AKR1C3: variants seen among roughly 807,000 people sequenced by gnomAD.
AKR1C3 encodes aldo-keto reductase family 1 member C3, also known as 3-alpha hydroxysteroid dehydrogenase, type II.
AKR1C3 carries 48 observed loss-of-function variants against 43.6 expected under a neutral mutation model. The ratio of observed to expected loss-of-function variants is 1.10; its 90% CI spans 0.87 to 1.40. The LOEUF is 1.40. Ranked by LOEUF, AKR1C3 falls within the 40% of genes most tolerant of loss-of-function variation. The probability of loss-of-function intolerance (pLI) is 0.00; values close to 1 mark genes in which losing one functional copy is unlikely to be tolerated. For missense variants in AKR1C3, 482 were observed against 391.2 expected (o/e 1.23, Z -1.96); for synonymous variants, 162 against 139.6 (o/e 1.16, Z -1.13).
rs782743032 is a variant in AKR1C3, at chr10:5,097,446, T to A, written c.265T>A (p.Phe89Ile). 106 of 1,613,612 alleles carry A rather than the reference T, an allele frequency of 6.6e-5. 1 individual carries two copies. In the South Asian group the frequency reaches 9.1e-4, roughly 14 times the overall value. The part of the protein sequence containing the change: ...IFYTSKLWST[F>I]HRPELVRPAL... ...TTAACCTCTGCAGCTTTGGTCCACTTTTCATCGACCAGAGTTGGTCCGACC... is the reference window on the plus strand; with the variant it reads ...TTAACCTCTGCAGCTTTGGTCCACTATTCATCGACCAGAGTTGGTCCGACC... Residue 89 changes from phenylalanine (F) to isoleucine (I), a missense_variant, in exon 3 of 9, where the codon TTT becomes ATT. By Grantham distance (21) the Phe-to-Ile change is conservative (BLOSUM62 0). Coordinates refer to ENST00000380554, the MANE Select transcript of AKR1C3 (RefSeq NM_003739.6).
At chr10:5,072,386 T>C (rs1554781405) in intron 1 of AKR1C3, among the ~76,000 whole-genome samples, 1 of 152,230 alleles carries the variant, frequency 6.6e-6, no homozygotes. Context: ...GCTGAGTTTT[T>C]CCTGTTGCCA....
Position 5,105,682 on chromosome 10 carries a change from G to A in AKR1C3, c.929+5G>A. The A allele has an allele frequency of 6.2e-7, 1 of 1,607,590 alleles. No homozygotes were observed. Among genetic ancestry groups the A allele is most frequent in the South Asian group, 1.1e-5 (1 of 90,634 alleles). On this transcript the variant is annotated splice_donor_5th_base_variant and intron_variant, in intron 8 of 8. Transcript: ENST00000380554. ...CCACTATTTTAACAGTGATAGGTAA[G>A]TTTCCTTTGTAAATGGGTGATCTAA... is the stretch of plus-strand genomic sequence containing the variant.
At chr10:5,097,372 C>T (rs1245046132) in intron 2 of AKR1C3, 62 bp from the exon 3 acceptor site, 26 of 1,580,652 alleles carry the variant, frequency 1.6e-5, no homozygotes, top group Non-Finnish European at 2.1e-5. Flanking sequence ...CTAGATGGCA[C>T]AAAGTAATAA....
intron 3 of AKR1C3, 43 bp downstream of exon 3, chr10:5,097,593 T>A: frequency 1.2e-6 from 2 of 1,611,452 alleles, no homozygotes; most frequent in South Asian, 2.2e-5. Context: ...TCTGCTGTCA[T>A]TATAAACATT....
chr10:5,064,378 A>G (rs1207950158), intron 1 of AKR1C3, among the ~76,000 whole-genome samples: 6 of 152,182 alleles, frequency 3.9e-5, no homozygotes, highest in Non-Finnish European at 7.3e-5. Context: ...TTAAAAAATC[A>G]ACTCAAAATA....
At position 5,077,724 on chromosome 10, in the gene AKR1C3, G is replaced by A. The variant is rs74112003; in HGVS notation, c.85-18686G>A. The A allele has an allele frequency of 5.0e-3, 5,913 of 1,183,710 alleles. 216 individuals are homozygous for A. In the African/African-American group the frequency reaches 0.083, roughly 17 times the overall value. The allele number at this position is 1,183,710 out of a possible 1,614,324, so 73.3% of individuals were successfully genotyped here. On this transcript the variant is annotated intron_variant, in intron 1 of 8. Transcript: ENST00000439082. Reference sequence around the variant, plus strand: ...CAAACATTTAATCCTTTTCCCTTTAGAGAAAAAAGAAAAAAAAAGGTGCAG... The same window carrying A: ...CAAACATTTAATCCTTTTCCCTTTAAAGAAAAAAGAAAAAAAAAGGTGCAG...
intron 1 of AKR1C3, among the ~76,000 whole-genome samples, chr10:5,059,824 C>A (rs191722725): frequency 6.6e-6 from 1 of 152,170 alleles, no homozygotes; most frequent in Non-Finnish European, 1.5e-5. Context: ...AGGTGATGGT[C>A]CCTTCGTGGT....
chr10:5,095,451 GCA>G (rs1336458262), intron 1 of AKR1C3, among the ~76,000 whole-genome samples: 7 of 150,292 alleles, frequency 4.7e-5, no homozygotes, highest in Non-Finnish European at 8.9e-5. Flanking sequence ...TTGAGTGTTG[GCA>G]CACTTAAAGA....
At chr10:5,063,507 C>G (rs1554780449) in intron 1 of AKR1C3, among the ~76,000 whole-genome samples, 1 of 151,902 alleles carries the variant, frequency 6.6e-6, no homozygotes, top group East Asian at 1.9e-4. Flanking sequence ...TTGAAAATGG[C>G]ACAAGTAGCT....
At chr10:5,055,884 T>G (rs1250797886) in intron 1 of AKR1C3, among the ~76,000 whole-genome samples, 1 of 152,324 alleles carries the variant, frequency 6.6e-6, no homozygotes, top group East Asian at 1.9e-4. Flanking sequence ...AGCCGGTAAT[T>G]CCAAGGAACC....
intron 5 of AKR1C3, among the ~76,000 whole-genome samples, chr10:5,100,747 G>T (rs529771291): frequency 6.6e-6 from 1 of 152,118 alleles, no homozygotes; most frequent in African/African-American, 2.4e-5. Context: ...TTAAGAAAAT[G>T]CAGTTTTAAT....
chr10:5,080,243 T>A (rs1183256385), intron 1 of AKR1C3, among the ~76,000 whole-genome samples: 3 of 152,160 alleles, frequency 2.0e-5, no homozygotes, highest in African/African-American at 2.4e-5. Context: ...TGTGAAAATG[T>A]TAAAAATCGT....
In AKR1C3 at chr10:5,105,908, C is replaced by T. The variant is rs587744960; in HGVS notation, c.929+231C>T. 7.9e-5 allele frequency among the ~76,000 whole-genome samples: 12 copies of T among 152,278 alleles called. No homozygotes were observed. In the South Asian group the frequency reaches 2.5e-3, roughly 32 times the overall value. On this transcript the variant is annotated intron_variant, in intron 8 of 8. Transcript: ENST00000380554. Reference sequence around the variant, plus strand: ...GCTCTCCTGACTCCATGGAACTTTCCAGAGCAGCCAACATCATTGCCAAGT... The same window carrying T: ...GCTCTCCTGACTCCATGGAACTTTCTAGAGCAGCCAACATCATTGCCAAGT...
In AKR1C3 at chr10:5,078,645, A is replaced by T. The variant is rs1838767750; in HGVS notation, c.85-17765A>T. Among the ~76,000 whole-genome samples the T allele has an allele frequency of 2.6e-5, 4 of 152,310 alleles. No homozygotes were observed. In the South Asian group the frequency reaches 8.3e-4, roughly 32 times the overall value. On this transcript the variant is annotated intron_variant, in intron 1 of 8. Coordinates refer to the AKR1C3 transcript ENST00000439082. Reference sequence around the variant, plus strand: ...TCTCCAGTCCGACATATTCCTCAATATGATTTTTAAATAGAATAGGGATCT... The same window carrying T: ...TCTCCAGTCCGACATATTCCTCAATTTGATTTTTAAATAGAATAGGGATCT...
intron 1 of AKR1C3, among the ~76,000 whole-genome samples, chr10:5,058,939 C>A (rs1358058658): frequency 6.6e-6 from 1 of 152,138 alleles, no homozygotes; most frequent in African/African-American, 2.4e-5. Context: ...TTACCCCTGT[C>A]CTGTAAAGAT....
intron 2 of AKR1C3, among the ~76,000 whole-genome samples, chr10:5,097,154 G>T (rs1437209945): frequency 3.9e-5 from 6 of 152,008 alleles, no homozygotes; most frequent in Non-Finnish European, 2.9e-5. Flanking sequence ...CTCTACTGAA[G>T]ATAATTCAGG....
intron 1 of AKR1C3, among the ~76,000 whole-genome samples, chr10:5,069,869 T>C (rs1201975214): frequency 1.3e-5 from 2 of 151,372 alleles, no homozygotes; most frequent in African/African-American, 2.4e-5. Flanking sequence ...AGTGAAACTC[T>C]GTCTCAAAAA....
At chr10:5,050,687 C>A (rs942301493) in intron 1 of AKR1C3, among the ~76,000 whole-genome samples, 1 of 152,156 alleles carries the variant, frequency 6.6e-6, no homozygotes, top group African/African-American at 2.4e-5. Context: ...GTAATTCTTA[C>A]CACCAATGAA....
upstream of AKR1C3, among the ~76,000 whole-genome samples, chr10:5,090,350 C>T (rs1254490337): frequency 6.6e-6 from 1 of 152,054 alleles, no homozygotes; most frequent in Admixed American, 6.6e-5. Flanking sequence ...TGCACTGATC[C>T]ACAACCTGGG....
Sources: allele counts gnomAD v4.1 joint callset (sites outside exome capture counted in the v4.1 genomes callset), GRCh38; gene constraint gnomAD v4.1.1; transcripts MANE v1.5; gene names NCBI Gene and HGNC (gene_info 2026-07-23, HGNC 2026-07-21).